The following TEP1 variants were observed in gnomAD, a reference collection of about 807,000 sequenced individuals.
TEP1 encodes telomerase associated protein 1.
In TEP1, 241 loss-of-function variants were observed where a neutral mutation model predicts 306.3. That is an observed-to-expected ratio of 0.79 (90% CI 0.71 to 0.88). TEP1 has a LOEUF of 0.88. Ranked by LOEUF, TEP1 falls within the 40% of genes least tolerant of loss-of-function variation. The pLI is 0.00. For missense variants in TEP1, 3,051 were observed against 3,276.1 expected (o/e 0.93, Z 1.68); for synonymous variants, 1,289 against 1,305.5 (o/e 0.99, Z 0.27).
intron 2 of TEP1, among the ~76,000 whole-genome samples, chr14:20,407,348 T>G (rs1224306602): frequency 6.6e-6 from 1 of 152,218 alleles, no homozygotes; most frequent in African/African-American, 2.4e-5. Context: ...GACTGTTTTT[T>G]GTTGTGTCTT....
intron 9 of TEP1, among the ~76,000 whole-genome samples, chr14:20,398,748 G>A (rs2319193): frequency 1.3e-5 from 2 of 151,908 alleles, no homozygotes; most frequent in African/African-American, 4.8e-5. Context: ...AGGCCAGGCC[G>A]GTCAGTCCGT....
rs1879383738 is a variant in TEP1 at position 20,408,420 on chromosome 14, T to A, written c.20A>T (p.His7Leu). The change falls in exon 2 of 55, where the codon CAT becomes CTT. Residue 7 changes from histidine to leucine, a missense_variant. His to Leu is a moderately conservative substitution (Grantham distance 99). This residue lies in a region of TEP1 where 1,507 missense variants were observed against 1,550.5 expected (regional missense o/e 0.97). Coordinates refer to ENST00000262715, the MANE Select transcript of TEP1 (RefSeq NM_007110.5). ...GAGGATGTCTGGATGGGCAGACACA[T>A]GCCCATGGAGTTTTTCCATGGCTGA... MEKLHG[H>L]VSAHPDILSL... 2 of 1,613,446 alleles carry A rather than the reference T, an allele frequency of 1.2e-6. No individual in the cohort carries two copies. The highest frequency in any genetic ancestry group is 2.2e-5 in the East Asian group (1 of 44,898).
At position 20,369,778 on chromosome 14, in the gene TEP1, C is replaced by T; in HGVS notation, c.7319G>A (p.Arg2440Lys). ...TTCAAACTCTCCTGATTCCTTTTGC[C>T]TCTGTGAAAGAATAGGTAATTTTGT... is the stretch of plus-strand genomic sequence containing the variant. The part of the protein sequence containing the change: ...PKDPGVLSFL[R>K]QKESGEFEER... Residue 2440 changes from arginine (R) to lysine (K), a missense_variant and splice_region_variant, in exon 52 of 55, where the codon AGG becomes AAG. Arg to Lys is a conservative substitution (Grantham distance 26). Transcript: ENST00000262715. The T allele has an allele frequency of 6.2e-7, 1 of 1,613,406 alleles. No individual in the cohort carries two copies. The highest frequency in any genetic ancestry group is 8.5e-7 in the Non-Finnish European group (1 of 1,179,514).
chr14:20,368,325 A>T lies in TEP1; in HGVS notation c.*112T>A. ...TACACTTGAGATTTTTTGACACTTC[A>T]TTTTTATAATTATCAAGAAATTATT... On this transcript the variant is annotated 3_prime_UTR_variant, in exon 55 of 55. Coordinates refer to ENST00000262715, the MANE Select transcript of TEP1 (RefSeq NM_007110.5). The T allele has an allele frequency of 7.5e-7, 1 of 1,326,144 alleles. No homozygotes were observed. Among genetic ancestry groups the T allele is most frequent in the Non-Finnish European group, 1.0e-6 (1 of 995,070 alleles). 82.1% of individuals were successfully genotyped at this position (1,326,144 alleles called of 1,614,324 possible).
chr14:20,408,818 T>TA (rs1210279511), intron 1 of TEP1, among the ~76,000 whole-genome samples: 2 of 145,232 alleles, frequency 1.4e-5, no homozygotes, highest in East Asian at 3.9e-4. Flanking sequence ...TTTTAAAAAA[T>TA]AAAAAATATT....
rs757604314 is a variant in TEP1, at chr14:20,382,022, G to A, written c.4315C>T (p.Arg1439Trp). 37 of 1,614,082 alleles carry A rather than the reference G, an allele frequency of 2.3e-5. No homozygotes were observed. The highest frequency in any genetic ancestry group is 1.6e-4 in the Middle Eastern group (1 of 6,062). The stretch of plus-strand genomic sequence containing the variant: ...CTCTTAGTCCCCTTCGGTAGTGTCC[G>A]CCACACACTCAGCACTCCGTGCAGC... ...DQLHGVLSVW[R>W]TLPKGTKSWE... Residue 1439 changes from arginine to tryptophan, a missense_variant, in exon 30 of 55, where the codon CGG (arginine) becomes TGG (tryptophan). Arg to Trp is a moderately radical substitution (Grantham distance 101, BLOSUM62 -3). This residue lies in a region of TEP1 where 1,540 missense variants were observed against 1,705.9 expected (regional missense o/e 0.90). Coordinates refer to ENST00000262715, the MANE Select transcript of TEP1 (RefSeq NM_007110.5).
chr14:20,409,424 G>A (rs982269349), intron 1 of TEP1, among the ~76,000 whole-genome samples: 3 of 152,096 alleles, frequency 2.0e-5, no homozygotes, highest in Non-Finnish European at 1.5e-5. Context: ...CTATGCTGGC[G>A]ACTCACAGAT....
Position 20,377,798 on chromosome 14 carries a change from G to A in TEP1, c.5722-45C>T, listed in dbSNP as rs367568292. ...CTTAAGGATACCACCTCCACCACGC[G>A]GTCCTCCTTCCTGTTTTGAGTTACA... On this transcript the variant is annotated intron_variant, in intron 39 of 54. Coordinates refer to ENST00000262715, the MANE Select transcript of TEP1 (RefSeq NM_007110.5). The A allele has an allele frequency of 3.9e-5, 63 of 1,603,950 alleles. No individual in the cohort carries two copies. The East Asian group carries it at 4.0e-4, about 10-fold the overall frequency.
intron 51 of TEP1, 96 bp downstream of exon 51, chr14:20,371,122 C>T: frequency 9.6e-7 from 1 of 1,041,520 alleles, no homozygotes; most frequent in Non-Finnish European, 1.5e-6. Context: ...CAGCCAACTG[C>T]CTTTCCCTTC....
In TEP1 at chr14:20,376,083, T is replaced by TTGCA. The variant is rs1361928923; in HGVS notation, c.6249+17_6249+20dup. ...CTAGAGAGGCTATGGGACCCCAGGG[T>TTGCA]TGCATCCTTCTGCAGCTCACCCGAT... On this transcript the variant is annotated intron_variant, in intron 42 of 54. Transcript: ENST00000262715. The TTGCA allele has an allele frequency of 3.1e-6, 5 of 1,611,206 alleles. No homozygotes were observed. In the African/African-American group the frequency reaches 6.7e-5, roughly 22 times the overall value.
At chr14:20,406,807 A>C (rs1377434522) in intron 2 of TEP1, among the ~76,000 whole-genome samples, 5 of 152,212 alleles carry the variant, frequency 3.3e-5, no homozygotes, top group African/African-American at 1.2e-4. Flanking sequence ...GCTTTCTCTC[A>C]TTCACTACCA....
At position 20,381,140 on chromosome 14, in the gene TEP1, G is replaced by T; in HGVS notation, c.4648-95C>A. 1 of 1,257,134 alleles carries T rather than the reference G, an allele frequency of 8.0e-7. No homozygotes were observed. Among genetic ancestry groups the T allele is most frequent in the Non-Finnish European group, 1.2e-6 (1 of 858,832 alleles). The allele number at this position is 1,257,134 out of a possible 1,614,324, so 77.9% of individuals were successfully genotyped here. On this transcript the variant is annotated intron_variant, in intron 32 of 54. Transcript: ENST00000262715. This position sits in a 1 kb window ranked among gnomAD's most constrained non-coding sequence, Gnocchi z 4.0. ...ACCTGGATACAGAGATAGGATCTGA[G>T]CTGGGACAAAGGACTTGAAGAAGAA...
At chr14:20,396,168 T>C (rs891245759) in intron 10 of TEP1, among the ~76,000 whole-genome samples, 2 of 152,246 alleles carry the variant, frequency 1.3e-5, no homozygotes, top group Non-Finnish European at 2.9e-5. Context: ...GAGCCCCGTT[T>C]CTTTTAAGAC....
chr14:20,403,588 A>G, intron 6 of TEP1, 135 bp downstream of exon 6: 1 of 1,579,634 alleles, frequency 6.3e-7, no homozygotes, highest in Non-Finnish European at 8.6e-7. Context: ...TATGCCCATG[A>G]GCTCTACCCA....
chr14:20,403,525 G>C (rs1878926503), intron 6 of TEP1, 77 bp from the exon 7 acceptor site: 1 of 1,602,462 alleles, frequency 6.2e-7, no homozygotes, highest in South Asian at 1.1e-5. Context: ...AGCCCTGAAG[G>C]TGCATCTCTA....
intron 17 of TEP1, 129 bp from the exon 18 acceptor site, chr14:20,388,192 G>A (rs1446887119): frequency 3.2e-6 from 3 of 940,684 alleles, no homozygotes; most frequent in South Asian, 1.6e-5. Context: ...TCCTTAAGAA[G>A]AGGACCATAA....
intron 49 of TEP1, 138 bp downstream of exon 49, chr14:20,372,595 G>C (rs1804182755): frequency 2.2e-6 from 3 of 1,349,618 alleles, no homozygotes; most frequent in African/African-American, 2.9e-5. Context: ...GCCATGGACA[G>C]AAGCAGAAAA....
chr14:20,368,589 A>G (rs1313966304), intron 54 of TEP1, 30 bp from the exon 55 acceptor site: 2 of 1,612,748 alleles, frequency 1.2e-6, no homozygotes, highest in South Asian at 1.1e-5. Flanking sequence ...AGGGGAGGTC[A>G]GGGCTACAAG....
chr14:20,402,602 C>T (rs1878842642), intron 7 of TEP1, among the ~76,000 whole-genome samples: 1 of 152,060 alleles, frequency 6.6e-6, no homozygotes. Context: ...CTTTTATTCC[C>T]ATTTAATACG....
Sources: gnomAD v4.1 joint callset for allele counts (sites outside exome capture counted in the v4.1 genomes callset) on GRCh38, gnomAD v4.1.1 for gene constraint, gnomAD v4.1.1 regional missense constraint, Gnocchi (gnomAD v3.1) non-coding constraint, MANE v1.5 for transcripts, NCBI Gene and HGNC (gene_info 2026-07-23, HGNC 2026-07-21) for gene names.